Variants in CDK6 observed in about 807,000 individuals in gnomAD.
CDK6 encodes cyclin-dependent kinase 6.
CDK6 carries 6 observed loss-of-function variants against 37.1 expected under a neutral mutation model. The ratio of observed to expected loss-of-function variants is 0.16; its 90% confidence interval spans 0.09 to 0.32. The LOEUF (loss-of-function observed/expected upper bound fraction) is 0.32. Ranked by LOEUF, CDK6 falls within the 10% of genes least tolerant of loss-of-function variation. The pLI is 1.00. For missense variants in CDK6, 224 were observed against 418.9 expected, an observed-to-expected ratio of 0.53 and a Z score of 4.06; for synonymous variants, 160 against 161.3, an observed-to-expected ratio of 0.99 and a Z score of 0.06.
intron 5 of CDK6, among the ~76,000 whole-genome samples, chr7:92,633,279 A>G (rs1796096032): frequency 1.3e-5 from 2 of 152,198 alleles, no homozygotes; most frequent in Non-Finnish European, 2.9e-5. Context: ...ATGATGTGTG[A>G]TAACTCAACA....
In CDK6 at chr7:92,834,026, GCACGTCAATGT is replaced by G. The variant is rs1476777007; in HGVS notation, c.-367-347_-367-337del. Reference sequence around the variant, plus strand: ...GAGCGCGGGGGAGGGGAGGCGCCGGGCACGTCAATGTCACGGCTTAATATTTATCCCTATAT... The same window carrying G: ...GAGCGCGGGGGAGGGGAGGCGCCGGGCACGGCTTAATATTTATCCCTATAT... On this transcript the variant is annotated intron_variant, in intron 1 of 7. Coordinates refer to ENST00000424848, the MANE Select transcript of CDK6 (RefSeq NM_001145306.2). The surrounding 1 kb of genome is among the most constrained non-coding windows in gnomAD (Gnocchi z 4.6). The G allele has an allele frequency of 2.5e-6, 1 of 397,072 alleles. No homozygotes were observed. Among genetic ancestry groups the G allele is most frequent in the Non-Finnish European group, 4.4e-6 (1 of 225,540 alleles). The allele number at this position is 397,072 out of a possible 1,614,324, so 24.6% of individuals were successfully genotyped here. A position where few individuals can be genotyped will look rare whatever the true frequency, so the allele number is the denominator to read the frequency against.
intron 2 of CDK6, among the ~76,000 whole-genome samples, chr7:92,790,313 T>C (rs926152019): frequency 2.6e-5 from 4 of 152,102 alleles, no homozygotes; most frequent in African/African-American, 9.7e-5. Context: ...CCACTGCCAC[T>C]TCCCTGAGCT....
At chr7:92,753,709 C>T (rs1321158625) in intron 3 of CDK6, among the ~76,000 whole-genome samples, 1 of 152,160 alleles carries the variant, frequency 6.6e-6, no homozygotes, top group African/African-American at 2.4e-5. Context: ...AGAGGGCCAA[C>T]TAAAACTGGT....
At chr7:92,777,436 G>A (rs1004810718) in intron 2 of CDK6, among the ~76,000 whole-genome samples, 1 of 152,156 alleles carries the variant, frequency 6.6e-6, no homozygotes, top group African/African-American at 2.4e-5. Flanking sequence ...AGTAGAGACG[G>A]GGTTACTCCA....
At chr7:92,816,125 C>G (rs1340954608) in intron 2 of CDK6, among the ~76,000 whole-genome samples, 1 of 152,140 alleles carries the variant, frequency 6.6e-6, no homozygotes, top group Non-Finnish European at 1.5e-5. Context: ...AGAACAAAAT[C>G]CAGCAGTTGA....
In CDK6 at chr7:92,605,260, C is replaced by T. The variant is rs1037655544; in HGVS notation, c.*9880G>A. 2 of 233,336 alleles carry T rather than the reference C, an allele frequency of 8.6e-6. No individual in the cohort carries two copies. The highest frequency in any genetic ancestry group is 1.7e-5 in the Non-Finnish European group (2 of 117,940). The allele number at this position is 233,336 out of a possible 1,614,324, so 14.5% of individuals were successfully genotyped here. A position where few individuals can be genotyped will look rare whatever the true frequency, so the allele number is the denominator to read the frequency against. On this transcript the variant is annotated 3_prime_UTR_variant, in exon 8 of 8. Transcript: ENST00000424848. ...ATTTTCATTCTAGCACCCAGTAAGA[C>T]ATCCAGTTTCCAAAGGATTATTGGT... is the stretch of plus-strand genomic sequence containing the variant.
intron 4 of CDK6, among the ~76,000 whole-genome samples, chr7:92,716,880 T>C (rs1383413165): frequency 6.6e-6 from 1 of 152,120 alleles, no homozygotes; most frequent in African/African-American, 2.4e-5. Context: ...TTCCCAAAAA[T>C]GTTAAATGTA....
chr7:92,707,734 G>GATAA (rs1797999133), intron 4 of CDK6, among the ~76,000 whole-genome samples: 1 of 152,226 alleles, frequency 6.6e-6, no homozygotes, highest in Non-Finnish European at 1.5e-5. Context: ...TCTCTCACAA[G>GATAA]ATAAATAAAT....
chr7:92,753,538 G>A (rs183575377), intron 3 of CDK6, among the ~76,000 whole-genome samples: 119 of 152,172 alleles, frequency 7.8e-4, no homozygotes, highest in African/African-American at 2.8e-3. Flanking sequence ...TGTCGCCCAG[G>A]CTGGAGTGCA....
chr7:92,663,128 G>A (rs1796874685), intron 5 of CDK6, among the ~76,000 whole-genome samples: 1 of 152,130 alleles, frequency 6.6e-6, no homozygotes, highest in African/African-American at 2.4e-5. Context: ...GTTAGTAAGA[G>A]GGAAGCAATG....
At chr7:92,816,867 G>A (rs1801042228) in intron 2 of CDK6, among the ~76,000 whole-genome samples, 1 of 151,860 alleles carries the variant, frequency 6.6e-6, no homozygotes, top group Non-Finnish European at 1.5e-5. Context: ...GAATAAAAGA[G>A]TGGACATCAC....
chr7:92,831,150 T>C (rs1296206300), intron 2 of CDK6, among the ~76,000 whole-genome samples: 2 of 152,174 alleles, frequency 1.3e-5, no homozygotes, highest in Non-Finnish European at 2.9e-5. Flanking sequence ...CCTCCTGAAA[T>C]TCACAGTACA....
At chr7:92,730,818 G>A (rs1798628726) in intron 3 of CDK6, among the ~76,000 whole-genome samples, 1 of 152,158 alleles carries the variant, frequency 6.6e-6, no homozygotes, top group Admixed American at 6.5e-5. Flanking sequence ...CTTTTTGGCT[G>A]CTGTGAATAT....
intron 3 of CDK6, among the ~76,000 whole-genome samples, chr7:92,773,072 C>T (rs1799757174): frequency 6.6e-6 from 1 of 152,004 alleles, no homozygotes; most frequent in Non-Finnish European, 1.5e-5. Flanking sequence ...TTTGAAAATA[C>T]TTACATCTAA....
chr7:92,619,723 T>C (rs1562912337), intron 6 of CDK6, among the ~76,000 whole-genome samples: 1 of 151,852 alleles, frequency 6.6e-6, no homozygotes, highest in Non-Finnish European at 1.5e-5. Flanking sequence ...CCTGGGTGTC[T>C]GGGGAAGACA....
At position 92,623,814 on chromosome 7, in the gene CDK6, C is replaced by A. The variant is rs777866654; in HGVS notation, c.648-728G>T. On this transcript the variant is annotated intron_variant, in intron 5 of 7. Transcript: ENST00000424848. Reference sequence around the variant, plus strand: ...CTCTAGGTTTCCCTATAAATCCCTGCCATAGAGCTTTACTCTGACAGATGC... The same window carrying A: ...CTCTAGGTTTCCCTATAAATCCCTGACATAGAGCTTTACTCTGACAGATGC... 6.6e-5 allele frequency among the ~76,000 whole-genome samples: 10 copies of A among 152,280 alleles called. 1 individual carries two copies. Among genetic ancestry groups the A allele is most frequent in the Non-Finnish European group, 1.5e-4 (10 of 68,024 alleles).
chr7:92,760,157 C>T (rs1286068885), intron 3 of CDK6, among the ~76,000 whole-genome samples: 1 of 152,140 alleles, frequency 6.6e-6, no homozygotes, highest in Non-Finnish European at 1.5e-5. Context: ...TAAAAATTTA[C>T]TCTCATCAGC....
intron 5 of CDK6, among the ~76,000 whole-genome samples, chr7:92,656,193 A>G (rs182027812): frequency 3.7e-4 from 56 of 152,306 alleles, no homozygotes; most frequent in African/African-American, 1.2e-3. Flanking sequence ...AAAAGAAGCT[A>G]GGTAATATCT....
At chr7:92,695,036 T>G (rs1797677230) in intron 4 of CDK6, among the ~76,000 whole-genome samples, 1 of 152,022 alleles carries the variant, frequency 6.6e-6, no homozygotes, top group Non-Finnish European at 1.5e-5. Context: ...AAGCTACACA[T>G]GATATCTCTG....
Sources: allele counts gnomAD v4.1 joint callset (sites outside exome capture counted in the v4.1 genomes callset), GRCh38; gene constraint gnomAD v4.1.1; non-coding constraint Gnocchi (gnomAD v3.1); transcripts MANE v1.5; gene names NCBI Gene and HGNC (gene_info 2026-07-23, HGNC 2026-07-21).